Variants in NUDT3 observed in about 807,000 individuals in gnomAD.
The protein encoded by NUDT3 is diphosphoinositol polyphosphate phosphohydrolase 1.
Under a neutral mutation model 23.6 loss-of-function variants are expected in NUDT3, and 9 were observed. The observed-to-expected ratio is 0.38, with a 90% CI of 0.23 to 0.66. The LOEUF (loss-of-function observed/expected upper bound fraction) is 0.66, where lower values mean the gene tolerates loss of function less well. NUDT3 is among the 30% of genes least tolerant of loss of function. NUDT3 has a pLI of 0.52. For missense variants in NUDT3, 172 were observed against 218.5 expected, an observed-to-expected ratio of 0.79 and a Z score of 1.34; for synonymous variants, 86 against 82.6, an observed-to-expected ratio of 1.04 and a Z score of -0.22.
At chr6:34,316,113 C>T (rs1232311258) in intron 2 of NUDT3, among the ~76,000 whole-genome samples, 1 of 152,206 alleles carries the variant, frequency 6.6e-6, no homozygotes, top group East Asian at 1.9e-4. Flanking sequence ...ATCCTCCCAC[C>T]TCAGTCTCCC....
intron 2 of NUDT3, among the ~76,000 whole-genome samples, chr6:34,320,950 T>G (rs186197723): frequency 6.6e-6 from 1 of 152,044 alleles, no homozygotes; most frequent in East Asian, 1.9e-4. Context: ...CATAAAAGCT[T>G]TGATAAAATG....
intron 1 of NUDT3, among the ~76,000 whole-genome samples, chr6:34,344,551 G>A (rs1445910562): frequency 6.6e-6 from 1 of 152,268 alleles, no homozygotes; most frequent in South Asian, 2.1e-4. Flanking sequence ...GGGGGAAGGG[G>A]AAAATGAGCA....
At chr6:34,309,931 T>G (rs1424978338) in intron 2 of NUDT3, among the ~76,000 whole-genome samples, 2 of 152,050 alleles carry the variant, frequency 1.3e-5, no homozygotes, top group Non-Finnish European at 2.9e-5. Flanking sequence ...TTAGAGAAAT[T>G]AAATCAATAA....
chr6:34,371,763 T>C (rs1378237623), intron 1 of NUDT3, among the ~76,000 whole-genome samples: 1 of 152,232 alleles, frequency 6.6e-6, no homozygotes, highest in African/African-American at 2.4e-5. Flanking sequence ...TTTTATATTA[T>C]ACTTTAAGTT....
At chr6:34,297,878 A>G (rs1763539482) in intron 2 of NUDT3, among the ~76,000 whole-genome samples, 1 of 146,618 alleles carries the variant, frequency 6.8e-6, no homozygotes, top group African/African-American at 2.5e-5. Context: ...TACAGGTGTG[A>G]GCCACTGCAC....
At chr6:34,365,496 T>C (rs1764713636) in intron 1 of NUDT3, among the ~76,000 whole-genome samples, 1 of 152,150 alleles carries the variant, frequency 6.6e-6, no homozygotes, top group African/African-American at 2.4e-5. Context: ...GGAATGAGAT[T>C]CTGACACATG....
chr6:34,304,973 G>A (rs1382212866), intron 2 of NUDT3, among the ~76,000 whole-genome samples: 4 of 125,904 alleles, frequency 3.2e-5, no homozygotes, highest in Non-Finnish European at 6.5e-5. Flanking sequence ...TGCCCGGTCT[G>A]AATTTTTTTT....
At chr6:34,378,429 C>T (rs188621886) in intron 1 of NUDT3, among the ~76,000 whole-genome samples, 1 of 152,292 alleles carries the variant, frequency 6.6e-6, no homozygotes, top group East Asian at 1.9e-4. Flanking sequence ...GTTGAGGAGG[C>T]TACCCTAAAA....
chr6:34,307,399 C>T (rs138432818), intron 2 of NUDT3, among the ~76,000 whole-genome samples: 65 of 152,022 alleles, frequency 4.3e-4, no homozygotes, highest in African/African-American at 1.5e-3. Flanking sequence ...GGAAACAAAG[C>T]GAGACCCCAT....
intron 2 of NUDT3, among the ~76,000 whole-genome samples, chr6:34,319,040 A>G (rs995372678): frequency 2.2e-5 from 2 of 91,386 alleles, no homozygotes; most frequent in Non-Finnish European, 4.5e-5. Context: ...CTGGGACAGT[A>G]AAAAAAAAAA....
At chr6:34,299,939 G>C (rs1470837856) in intron 2 of NUDT3, among the ~76,000 whole-genome samples, 3 of 151,682 alleles carry the variant, frequency 2.0e-5, no homozygotes, top group Non-Finnish European at 4.4e-5. Flanking sequence ...TTGAGAGACA[G>C]GGTTTCGCTG....
intron 2 of NUDT3, among the ~76,000 whole-genome samples, chr6:34,314,567 A>G (rs1012542746): frequency 2.6e-5 from 4 of 151,848 alleles, no homozygotes; most frequent in African/African-American, 9.7e-5. Context: ...TCAAAAAAAA[A>G]AAAAAAAATT....
intron 1 of NUDT3, among the ~76,000 whole-genome samples, chr6:34,362,113 T>C (rs1451622580): frequency 1.3e-5 from 2 of 152,190 alleles, no homozygotes; most frequent in Non-Finnish European, 2.9e-5. Context: ...ACTCTGTACT[T>C]TACACTCAAT....
In NUDT3 at chr6:34,280,335, G is replaced by A. The variant is rs1763266882; in HGVS notation, c.*8418C>T. ...ATGCAGTACCAAGCAAGGCTATTTT[G>A]GAAACAAGCAAACAAACAAAAAATG... On this transcript the variant is annotated 3_prime_UTR_variant, in exon 5 of 5. Transcript: ENST00000607016. 1 of 152,160 alleles carries A rather than the reference G, an allele frequency of 6.6e-6. No homozygotes were observed. Among genetic ancestry groups the A allele is most frequent in the Non-Finnish European group, 1.5e-5 (1 of 68,070 alleles). The allele number at this position is 152,160 out of a possible 1,614,324, so 9.4% of individuals were successfully genotyped here. A position where few individuals can be genotyped will look rare whatever the true frequency, so the allele number is the denominator to read the frequency against.
In NUDT3 at chr6:34,287,654, T is replaced by C. The variant is rs1376637629; in HGVS notation, c.*1099A>G. On this transcript the variant is annotated 3_prime_UTR_variant, in exon 5 of 5. Coordinates refer to ENST00000607016, the MANE Select transcript of NUDT3 (RefSeq NM_006703.4). Reference sequence around the variant, plus strand: ...TACTCAGTTCAGGGACAGGACTACATTGATGCACCTGCAAAGTAAAGTTGG... The same window carrying C: ...TACTCAGTTCAGGGACAGGACTACACTGATGCACCTGCAAAGTAAAGTTGG... 3.3e-5 allele frequency: 5 copies of C among 152,338 alleles called. No individual in the cohort carries two copies. The highest frequency in any genetic ancestry group is 2.1e-4 in the South Asian group (1 of 4,826). 9.4% of individuals were successfully genotyped at this position (152,338 alleles called of 1,614,324 possible).
intron 1 of NUDT3, among the ~76,000 whole-genome samples, chr6:34,387,311 G>C (rs996528893): frequency 6.6e-6 from 1 of 152,000 alleles, no homozygotes; most frequent in African/African-American, 2.4e-5. Flanking sequence ...ATAGCTCCAC[G>C]CCTGTTACTC....
rs768121055 is a variant in NUDT3 at position 34,301,512 on chromosome 6, G to A, written c.211-5827C>T. Among the ~76,000 whole-genome samples the A allele has an allele frequency of 6.6e-5, 10 of 152,298 alleles. No homozygotes were observed. The South Asian group carries it at 1.7e-3, about 25-fold the overall frequency. On this transcript the variant is annotated intron_variant, in intron 2 of 4. Transcript: ENST00000607016. ...CTTTTCCTCCTGGAACTCTGCCATCGGCATATGAATAAGCCTGAGCTTAGG... is the reference window on the plus strand; with the variant it reads ...CTTTTCCTCCTGGAACTCTGCCATCAGCATATGAATAAGCCTGAGCTTAGG...
rs142811807 is a variant in NUDT3, at chr6:34,372,983, G to A, written c.99+19281C>T. Among the ~76,000 whole-genome samples the A allele has an allele frequency of 2.9e-3, 438 of 150,916 alleles. 4 individuals carry two copies. The highest frequency in any genetic ancestry group is 0.01 in the African/African-American group (426 of 41,098). ...ATATATACATAGAGAGAGAGAGAGCGAGAGCACGCGCGTGTGCCGGGCGCG... is the reference window on the plus strand; with the variant it reads ...ATATATACATAGAGAGAGAGAGAGCAAGAGCACGCGCGTGTGCCGGGCGCG... On this transcript the variant is annotated intron_variant, in intron 1 of 4. Transcript: ENST00000607016.
At position 34,280,132 on chromosome 6, in the gene NUDT3, C is replaced by T. The variant is rs968325197; in HGVS notation, c.*8621G>A. The T allele has an allele frequency of 1.3e-5, 2 of 152,204 alleles. No homozygotes were observed. The highest frequency in any genetic ancestry group is 2.4e-5 in the African/African-American group (1 of 41,432). 9.4% of individuals were successfully genotyped at this position (152,204 alleles called of 1,614,324 possible). A position where few individuals can be genotyped will look rare whatever the true frequency, so the allele number is the denominator to read the frequency against. On this transcript the variant is annotated 3_prime_UTR_variant, in exon 5 of 5. Coordinates refer to ENST00000607016, the MANE Select transcript of NUDT3 (RefSeq NM_006703.4). The stretch of plus-strand genomic sequence containing the variant: ...CATGAGAAGGAGGTGTGAAGGAAGC[C>T]TGAGGACATCCACCTCGAGAAAAGG...
Sources: allele counts gnomAD v4.1 joint callset (sites outside exome capture counted in the v4.1 genomes callset), GRCh38; gene constraint gnomAD v4.1.1; transcripts MANE v1.5; gene names NCBI Gene and HGNC (gene_info 2026-07-23, HGNC 2026-07-21).